The following RYR3 variants were observed in gnomAD, a reference collection of about 807,000 sequenced individuals.
RYR3 encodes brain ryanodine receptor-calcium release channel.
A neutral mutation model predicts 584.3 loss-of-function variants in RYR3; 207 were observed. The observed-to-expected ratio is 0.35, with a 90% CI of 0.32 to 0.40. The LOEUF is 0.40. RYR3 is among the 10% of genes least tolerant of loss of function. The probability of loss-of-function intolerance (pLI) is 1.00; values close to 1 mark genes in which losing one functional copy is unlikely to be tolerated. For synonymous variants in RYR3, 2,416 were observed against 2,248.5 expected (o/e 1.07, Z -2.11); for missense variants, 5,616 against 6,089.2 (o/e 0.92, Z 2.59).
chr15:33,482,712 C>A (rs2050085870), intron 2 of RYR3, among the ~76,000 whole-genome samples: 1 of 152,146 alleles, frequency 6.6e-6, no homozygotes, highest in Admixed American at 6.5e-5. Flanking sequence ...AGTCACTGTG[C>A]CCAGTCAGGT....
Position 33,628,591 on chromosome 15 carries a change from C to A in RYR3, c.2679+16C>A. 5 of 1,533,580 alleles carry A rather than the reference C, an allele frequency of 3.3e-6. No homozygotes were observed. The highest frequency in any genetic ancestry group is 4.5e-6 in the Non-Finnish European group (5 of 1,107,024). 95.0% of individuals were successfully genotyped at this position (1,533,580 alleles called of 1,614,324 possible). ...TTTCGGCAAGGTATGTGTCTCAGGG[C>A]CAGGTTAGGGTGGAGGGTGGGATTG... On this transcript the variant is annotated intron_variant, in intron 21 of 103. Transcript: ENST00000634891.
In RYR3 at chr15:33,865,975, A is replaced by C. The variant is rs567399081; in HGVS notation, c.*749A>C. 1 of 152,996 alleles carries C rather than the reference A, an allele frequency of 6.5e-6. No individual in the cohort carries two copies. Among genetic ancestry groups the C allele is most frequent in the African/African-American group, 2.4e-5 (1 of 41,600 alleles). 9.5% of individuals were successfully genotyped at this position (152,996 alleles called of 1,614,324 possible). On this transcript the variant is annotated 3_prime_UTR_variant, in exon 104 of 104. Transcript: ENST00000634891. The stretch of plus-strand genomic sequence containing the variant: ...TACTGTACTGAAAATTCAGAAAAAA[A>C]ATCTCAACCTTATGCCAAAATGGAG...
intron 27 of RYR3, among the ~76,000 whole-genome samples, chr15:33,642,952 T>C (rs933911974): frequency 5.3e-5 from 8 of 152,238 alleles, no homozygotes; most frequent in African/African-American, 1.9e-4. Context: ...AGTGAGTTTA[T>C]AGTTTCTAAA....
At chr15:33,489,323 G>T (rs2050767860) in intron 2 of RYR3, among the ~76,000 whole-genome samples, 1 of 152,070 alleles carries the variant, frequency 6.6e-6, no homozygotes, top group Non-Finnish European at 1.5e-5. Context: ...TAAGCCCAGT[G>T]CCCAGTAGTT....
intron 1 of RYR3, among the ~76,000 whole-genome samples, chr15:33,419,797 T>C (rs886964539): frequency 2.0e-5 from 3 of 152,190 alleles, no homozygotes; most frequent in Non-Finnish European, 2.9e-5. Context: ...AAGGAAAAAG[T>C]GATGCAGTGT....
At chr15:33,610,964 C>T (rs1256134541) in intron 18 of RYR3, among the ~76,000 whole-genome samples, 5 of 152,090 alleles carry the variant, frequency 3.3e-5, no homozygotes, top group Admixed American at 2.6e-4. Context: ...TAGAGCATTT[C>T]GCATTTTGGA....
At position 33,635,828 on chromosome 15, in the gene RYR3, A is replaced by G; in HGVS notation, c.3381+9A>G. 1.2e-6 allele frequency: 2 copies of G among 1,606,662 alleles called. No homozygotes were observed. Among genetic ancestry groups the G allele is most frequent in the Non-Finnish European group, 1.7e-6 (2 of 1,177,676 alleles). On this transcript the variant is annotated intron_variant, in intron 26 of 103. Transcript: ENST00000634891. The stretch of plus-strand genomic sequence containing the variant: ...TGTTTGAAGGCAACAGGGTGAGTTT[A>G]TATATCTAGCAAACACCCATCCTCA...
intron 65 of RYR3, among the ~76,000 whole-genome samples, chr15:33,781,229 A>T (rs1481290828): frequency 6.6e-6 from 1 of 152,234 alleles, no homozygotes; most frequent in African/African-American, 2.4e-5. Flanking sequence ...AGCTTCAAGT[A>T]GGAGCCTTGA....
In RYR3 at chr15:33,819,797, T is replaced by C. The variant is rs982839217; in HGVS notation, c.10748T>C (p.Met3583Thr). ...CCTTTGTACACCTCCTATTCCAGCA[T>C]GATGGCCAAGGTACACCCAGGTTTT... ...DDPLYTSYSSMMAKSCQSGED... is the reference protein window; with the variant it reads ...DDPLYTSYSSTMAKSCQSGED... The change falls in exon 77 of 104, where the codon ATG (methionine) becomes ACG (threonine). Residue 3583 changes from methionine to threonine, a missense_variant. Coordinates refer to ENST00000634891, the MANE Select transcript of RYR3 (RefSeq NM_001036.6). 8.2e-6 allele frequency: 13 copies of C among 1,588,556 alleles called. No individual in the cohort carries two copies. In the African/African-American group the frequency reaches 1.5e-4, roughly 18 times the overall value.
chr15:33,641,278 C>G (rs973212949), intron 27 of RYR3, among the ~76,000 whole-genome samples: 1 of 152,208 alleles, frequency 6.6e-6, no homozygotes, highest in Non-Finnish European at 1.5e-5. Flanking sequence ...CTGCAGTTTA[C>G]CAGGTAGCAG....
At chr15:33,755,657 A>T (rs2071748607) in intron 58 of RYR3, among the ~76,000 whole-genome samples, 1 of 152,244 alleles carries the variant, frequency 6.6e-6, no homozygotes, top group Non-Finnish European at 1.5e-5. Context: ...TAGTTTTTAT[A>T]GTGGACTTGA....
chr15:33,810,968 C>T lies in RYR3; in HGVS notation c.10198-10C>T. ...TCTCCGGGAATAAAATCTGACATCT[C>T]TTTCCACAGAGGGACACAGATGAAG... On this transcript the variant is annotated splice_polypyrimidine_tract_variant and intron_variant, in intron 71 of 103. Coordinates refer to ENST00000634891, the MANE Select transcript of RYR3 (RefSeq NM_001036.6). The T allele has an allele frequency of 6.2e-7, 1 of 1,602,566 alleles. No homozygotes were observed. The highest frequency in any genetic ancestry group is 1.1e-5 in the South Asian group (1 of 88,216).
At chr15:33,636,340 C>G (rs936150167) in intron 26 of RYR3, 36 bp from the exon 27 acceptor site, 1 of 1,594,322 alleles carries the variant, frequency 6.3e-7, no homozygotes, top group African/African-American at 1.3e-5. Flanking sequence ...CCTCTAGAGA[C>G]TCCATTTCTC....
chr15:33,326,754 C>A (rs1969752348), intron 1 of RYR3, among the ~76,000 whole-genome samples: 1 of 152,100 alleles, frequency 6.6e-6, no homozygotes, highest in South Asian at 2.1e-4. Flanking sequence ...GGGAGCAAAT[C>A]AAGACAATCT....
rs2079340027 is a variant in RYR3 at position 33,853,674 on chromosome 15, GGTGTCATGGTACAAAAAGCTTA to G, written c.13793_13799+15del. Reference sequence around the variant, plus strand: ...AGACCAAAGCAGAAGCGGCTTCTCTGGTGTCATGGTACAAAAAGCTTAGGAGTTCAAATCCAAAGCAGCTAAA... The same window carrying G: ...AGACCAAAGCAGAAGCGGCTTCTCTGGGAGTTCAAATCCAAAGCAGCTAAA... On this transcript the variant is annotated splice_donor_variant and splice_donor_5th_base_variant and coding_sequence_variant and intron_variant, in exon 96 of 104. Coordinates refer to ENST00000634891, the MANE Select transcript of RYR3 (RefSeq NM_001036.6). LOFTEE classifies it high-confidence loss of function. The G allele has an allele frequency of 6.2e-7, 1 of 1,613,292 alleles. No individual in the cohort carries two copies. The highest frequency in any genetic ancestry group is 8.5e-7 in the Non-Finnish European group (1 of 1,179,572).
In RYR3 at chr15:33,479,486, CT is replaced by C. The variant is rs376160496; in HGVS notation, c.171+5964del. Among the ~76,000 whole-genome samples the C allele has an allele frequency of 4.8e-3, 652 of 135,754 alleles. 1 individual carries two copies. Among genetic ancestry groups the C allele is most frequent in the Admixed American group, 5.3e-3 (71 of 13,488 alleles). 89.1% of individuals were successfully genotyped at this position (135,754 alleles called of 152,430 possible). ...AGAGGCATATAAGCTGAGATTTTGA[CT>C]TTTTTTTTTTTTTTTAACATTTATC... is the stretch of plus-strand genomic sequence containing the variant. On this transcript the variant is annotated intron_variant, in intron 2 of 103. Transcript: ENST00000634891.
chr15:33,840,494 G>T (rs2078289630), intron 89 of RYR3: 2 of 316,288 alleles, frequency 6.3e-6, no homozygotes, highest in Admixed American at 9.7e-5. Flanking sequence ...ATCAAACTTG[G>T]TTTGATCTGT....
chr15:33,595,120 A>G (rs2152539825), intron 16 of RYR3, among the ~76,000 whole-genome samples: 1 of 152,344 alleles, frequency 6.6e-6, no homozygotes, highest in South Asian at 2.1e-4. Context: ...AGTTTGTCAA[A>G]TATAAAAGGT....
At chr15:33,341,959 A>C (rs1971873888) in intron 1 of RYR3, among the ~76,000 whole-genome samples, 1 of 152,248 alleles carries the variant, frequency 6.6e-6, no homozygotes, top group African/African-American at 2.4e-5. Context: ...GCCACAAAGC[A>C]AATTAGTGTC....
Sources: gnomAD v4.1 joint callset for allele counts (sites outside exome capture counted in the v4.1 genomes callset) on GRCh38, gnomAD v4.1.1 for gene constraint, MANE v1.5 for transcripts, NCBI Gene and HGNC (gene_info 2026-07-23, HGNC 2026-07-21) for gene names.